Variants in IL1RL2 observed in about 807,000 individuals in gnomAD.
The protein encoded by IL1RL2 is interleukin 1 receptor like 2, also known as interleukin-1 receptor-like 2.
In IL1RL2, 68 loss-of-function variants were observed where a neutral mutation model predicts 66.8. The observed-to-expected ratio is 1.02, with a 90% CI of 0.84 to 1.25. The LOEUF (loss-of-function observed/expected upper bound fraction) is 1.25, where lower values mean the gene tolerates loss of function less well. Ranked by LOEUF, IL1RL2 falls within the 50% of genes most tolerant of loss-of-function variation. The pLI is 0.00. For missense variants in IL1RL2, 729 were observed against 709.3 expected (o/e 1.03, Z -0.32); for synonymous variants, 305 against 264.6 (o/e 1.15, Z -1.48).
chr2:102,205,649 C>T (rs960382581), intron 5 of IL1RL2, among the ~76,000 whole-genome samples: 1 of 152,158 alleles, frequency 6.6e-6, no homozygotes. Flanking sequence ...TCTCTTGCTG[C>T]TTTTAGAATC....
At chr2:102,236,440 A>G (rs1360975236) in intron 11 of IL1RL2, among the ~76,000 whole-genome samples, 2 of 152,218 alleles carry the variant, frequency 1.3e-5, no homozygotes, top group Non-Finnish European at 2.9e-5. Context: ...TTCAGGTGCT[A>G]AGGAACCCAC....
intron 6 of IL1RL2, among the ~76,000 whole-genome samples, chr2:102,213,906 C>A (rs1164686364): frequency 6.6e-6 from 1 of 152,044 alleles, no homozygotes; most frequent in South Asian, 2.1e-4. Flanking sequence ...CAAATCTAAT[C>A]CCCAAAGTGC....
At chr2:102,210,257 G>A (rs1236555899) in intron 5 of IL1RL2, among the ~76,000 whole-genome samples, 5 of 152,134 alleles carry the variant, frequency 3.3e-5, no homozygotes, top group African/African-American at 9.7e-5. Flanking sequence ...GTAGAAAGCA[G>A]GGCTAGAGTG....
chr2:102,195,777 G>A lies in IL1RL2; in HGVS notation c.489+3657G>A, dbSNP rs35759025. Among the ~76,000 whole-genome samples, 450 of 146,904 alleles carry A rather than the reference G, an allele frequency of 3.1e-3. 4 individuals carry two copies. The highest frequency in any genetic ancestry group is 0.01 in the African/African-American group (396 of 39,546). ...CTCCTAGGCTAGAGGGCAGTGGTGC[G>A]GTCTTGACTCATTGCAACCTCTGCC... On this transcript the variant is annotated intron_variant, in intron 4 of 11. Transcript: ENST00000264257.
intron 5 of IL1RL2, among the ~76,000 whole-genome samples, chr2:102,211,324 C>T (rs896060560): frequency 2.0e-5 from 3 of 152,042 alleles, no homozygotes; most frequent in African/African-American, 7.3e-5. Flanking sequence ...TAGAGAAAGA[C>T]TGAGGGGCAG....
downstream of IL1RL2, among the ~76,000 whole-genome samples, chr2:102,240,351 T>C (rs1675193824): frequency 6.7e-6 from 1 of 149,524 alleles, no homozygotes; most frequent in African/African-American, 2.5e-5. Flanking sequence ...CCAAATTTCT[T>C]CTTCTCCTCC....
intron 4 of IL1RL2, among the ~76,000 whole-genome samples, chr2:102,199,324 G>A (rs1353507551): frequency 5.3e-5 from 8 of 152,120 alleles, no homozygotes; most frequent in South Asian, 2.1e-4. Flanking sequence ...TCTGATGCTC[G>A]TCTCCTCTTC....
intron 6 of IL1RL2, among the ~76,000 whole-genome samples, chr2:102,217,127 G>A (rs935943532): frequency 2.6e-5 from 4 of 152,062 alleles, no homozygotes; most frequent in African/African-American, 4.8e-5. Flanking sequence ...ATTTCCTTAG[G>A]GATTTCTTGT....
chr2:102,191,472 A>G (rs970799744), intron 3 of IL1RL2, among the ~76,000 whole-genome samples: 2 of 152,174 alleles, frequency 1.3e-5, no homozygotes, highest in Non-Finnish European at 2.9e-5. Context: ...GTTGCCATGA[A>G]TATTTAATTT....
chr2:102,235,084 A>C lies in IL1RL2; in HGVS notation c.1485A>C (p.Thr495=). Residue 495 remains threonine, a synonymous_variant, in exon 11 of 12, where the codon ACA becomes ACC. Transcript: ENST00000264257. ...LIELEKIEDY[T]VMPESIQYIK... is the part of the protein sequence containing the mutation. Reference sequence around the variant, plus strand: ...AGCTGGAGAAAATCGAGGACTACACAGTCATGCCAGAGTCAATTCAGTACA... The same window carrying C: ...AGCTGGAGAAAATCGAGGACTACACCGTCATGCCAGAGTCAATTCAGTACA... 1 of 1,614,232 alleles carries C rather than the reference A, an allele frequency of 6.2e-7. No individual in the cohort carries two copies.
chr2:102,210,113 G>A (rs1399969596), intron 5 of IL1RL2, among the ~76,000 whole-genome samples: 2 of 152,298 alleles, frequency 1.3e-5, no homozygotes, highest in South Asian at 2.1e-4. Context: ...CTCAGGGAAA[G>A]CTTTCTGATA....
chr2:102,207,717 G>A, intron 5 of IL1RL2, among the ~76,000 whole-genome samples: 1 of 152,104 alleles, frequency 6.6e-6, no homozygotes, highest in East Asian at 1.9e-4. Context: ...GAGGGGTGAT[G>A]CCCACACTCC....
chr2:102,236,784 T>A (rs1674926117), intron 11 of IL1RL2, among the ~76,000 whole-genome samples: 1 of 152,186 alleles, frequency 6.6e-6, no homozygotes, highest in Non-Finnish European at 1.5e-5. Context: ...AGGTAGGACA[T>A]AAAATACATT....
intron 7 of IL1RL2, 65 bp downstream of exon 7, chr2:102,219,147 G>A: frequency 6.4e-7 from 1 of 1,553,272 alleles, no homozygotes; most frequent in Non-Finnish European, 8.9e-7. Context: ...AAGTGAATCT[G>A]GTATCACTAC....
intron 4 of IL1RL2, among the ~76,000 whole-genome samples, chr2:102,200,988 T>C (rs1688205944): frequency 6.6e-6 from 1 of 152,082 alleles, no homozygotes; most frequent in South Asian, 2.1e-4. Context: ...TTCTATAAAG[T>C]CCAATGCTTG....
At chr2:102,233,979 G>A (rs6709635) in intron 10 of IL1RL2, among the ~76,000 whole-genome samples, 44,413 of 151,634 alleles carry the variant, frequency 0.29, 8,043 homozygotes, top group African/African-American at 0.49. Context: ...TCAGCCAAGC[G>A]GAAGGGCCTG....
In IL1RL2 at chr2:102,239,212, A is replaced by T; in HGVS notation, c.1699A>T (p.Arg567Ter). ...RTAGPELGSR[R>*]KKCTLTTG ...TTCAGGCCCAGAACTAGGCTCAAGA[A>T]GAAAGAAGTGTACTCTCACGACTGG... The change falls in exon 12 of 12, where the codon AGA becomes TGA. Residue 567 changes from arginine to a stop codon, truncating the protein, a stop_gained. Transcript: ENST00000264257. LOFTEE classifies it high-confidence loss of function. The T allele has an allele frequency of 6.2e-7, 1 of 1,614,132 alleles. No individual in the cohort carries two copies. The highest frequency in any genetic ancestry group is 8.5e-7 in the Non-Finnish European group (1 of 1,179,972).
intron 9 of IL1RL2, among the ~76,000 whole-genome samples, chr2:102,226,765 A>G (rs903785178): frequency 1.3e-5 from 2 of 151,846 alleles, no homozygotes; most frequent in Non-Finnish European, 2.9e-5. Flanking sequence ...GAGATGGAGG[A>G]GAAGGGAGGA....
intron 9 of IL1RL2, among the ~76,000 whole-genome samples, chr2:102,231,602 G>T (rs6758443): frequency 0.29 from 44,500 of 151,498 alleles, 8,078 homozygotes; most frequent in African/African-American, 0.49. Context: ...GGGGATTTTT[G>T]ATTCTTGCTG....
Sources: allele counts gnomAD v4.1 joint callset (sites outside exome capture counted in the v4.1 genomes callset), GRCh38; gene constraint gnomAD v4.1.1; transcripts MANE v1.5; gene names NCBI Gene and HGNC (gene_info 2026-07-23, HGNC 2026-07-21).